The following MACROD2 variants were observed in gnomAD, a reference collection of about 807,000 sequenced individuals.
The protein encoded by MACROD2 is ADP-ribose glycohydrolase MACROD2.
MACROD2 carries 36 observed loss-of-function variants against 70.4 expected under a neutral mutation model. The ratio of observed to expected loss-of-function variants is 0.51; its 90% CI spans 0.39 to 0.68. The LOEUF (loss-of-function observed/expected upper bound fraction) is 0.68, where lower values mean the gene tolerates loss of function less well. MACROD2 is among the 30% of genes least tolerant of loss of function. The pLI, the probability that MACROD2 is intolerant of heterozygous loss-of-function variation, is 0.00. For missense variants in MACROD2, 496 were observed against 538.4 expected (o/e 0.92, Z 0.78); for synonymous variants, 172 against 178.8 (o/e 0.96, Z 0.30).
chr20:14,521,085 G>A (rs1030160451), intron 4 of MACROD2, among the ~76,000 whole-genome samples: 2 of 152,178 alleles, frequency 1.3e-5, no homozygotes, highest in African/African-American at 4.8e-5. Flanking sequence ...TAATAAAAGT[G>A]CATTGGCTAC....
chr20:15,249,320 C>T (rs978415269), intron 6 of MACROD2, among the ~76,000 whole-genome samples: 4 of 152,202 alleles, frequency 2.6e-5, no homozygotes, highest in African/African-American at 7.2e-5. Flanking sequence ...TCTCTACTCT[C>T]TCCCAGCCAC....
intron 5 of MACROD2, among the ~76,000 whole-genome samples, chr20:15,121,323 C>G (rs1360935099): frequency 6.6e-6 from 1 of 151,874 alleles, no homozygotes; most frequent in Non-Finnish European, 1.5e-5. Flanking sequence ...ACCAGCCTGG[C>G]CAACACGGTG....
chr20:14,272,289 T>G (rs4302276), intron 3 of MACROD2, among the ~76,000 whole-genome samples: 97,185 of 151,954 alleles, frequency 0.64, 32,537 homozygotes, highest in Non-Finnish European at 0.75. Context: ...GACTAACAGC[T>G]GATCTCTCGG....
At chr20:14,157,965 A>G (rs1374465566) in intron 3 of MACROD2, among the ~76,000 whole-genome samples, 3 of 152,088 alleles carry the variant, frequency 2.0e-5, no homozygotes, top group African/African-American at 7.2e-5. Flanking sequence ...GGATCATATG[A>G]TGGTTCTATT....
At chr20:14,593,658 T>C (rs1284460827) in intron 4 of MACROD2, among the ~76,000 whole-genome samples, 1 of 152,218 alleles carries the variant, frequency 6.6e-6, no homozygotes, top group Non-Finnish European at 1.5e-5. Context: ...TTATGCATTA[T>C]TAAAAAGATA....
intron 8 of MACROD2, among the ~76,000 whole-genome samples, chr20:15,746,396 T>C (rs974367598): frequency 6.6e-6 from 1 of 151,936 alleles, no homozygotes; most frequent in Non-Finnish European, 1.5e-5. Context: ...TAAGTTTTTC[T>C]GTACATTATT....
At chr20:15,314,385 G>A (rs2077786690) in intron 6 of MACROD2, among the ~76,000 whole-genome samples, 1 of 152,174 alleles carries the variant, frequency 6.6e-6, no homozygotes, top group Non-Finnish European at 1.5e-5. Context: ...AAGGTCAGCA[G>A]TTTGAGATCA....
chr20:15,242,662 A>G (rs761070557), intron 6 of MACROD2, among the ~76,000 whole-genome samples: 43 of 152,292 alleles, frequency 2.8e-4, no homozygotes, highest in Non-Finnish European at 5.6e-4. Flanking sequence ...TATTTAGTTC[A>G]TATTTGTGGT....
chr20:15,874,550 A>G (rs1456932992), intron 9 of MACROD2, among the ~76,000 whole-genome samples: 1 of 152,010 alleles, frequency 6.6e-6, no homozygotes, highest in Non-Finnish European at 1.5e-5. Context: ...AAGCGTTCCT[A>G]TTTCTCCACA....
At chr20:14,399,810 G>A (rs1450339351) in intron 3 of MACROD2, among the ~76,000 whole-genome samples, 4 of 151,990 alleles carry the variant, frequency 2.6e-5, no homozygotes, top group Admixed American at 6.6e-5. Flanking sequence ...TTCTGTTGTT[G>A]TGTTTTCAAG....
At chr20:14,278,615 A>G (rs1427039743) in intron 3 of MACROD2, among the ~76,000 whole-genome samples, 3 of 152,208 alleles carry the variant, frequency 2.0e-5, no homozygotes, top group Admixed American at 2.0e-4. Context: ...ATATGTTTGC[A>G]TAATATAAAT....
At chr20:15,475,021 A>AAT (rs1555825986) in intron 7 of MACROD2, among the ~76,000 whole-genome samples, 16 of 152,034 alleles carry the variant, frequency 1.1e-4, no homozygotes, top group African/African-American at 3.4e-4. Flanking sequence ...TCAGAAAAAA[A>AAT]AAATAAATAA....
rs148330369 is a variant in MACROD2 at position 14,694,971 on chromosome 20, C to T, written c.418+10012C>T. On this transcript the variant is annotated intron_variant, in intron 5 of 17. Transcript: ENST00000684519. ...ATGGCCTGGACCTAATGACTCCCTTCTAGCAAACGGAGTATGTCAGAATAA... is the reference window on the plus strand; with the variant it reads ...ATGGCCTGGACCTAATGACTCCCTTTTAGCAAACGGAGTATGTCAGAATAA... Among the ~76,000 whole-genome samples, 1,360 of 152,266 alleles carry T rather than the reference C, an allele frequency of 8.9e-3. 8 individuals carry two copies. The highest frequency in any genetic ancestry group is 0.014 in the Middle Eastern group (4 of 292).
In MACROD2 at chr20:15,932,998, G is replaced by A. The variant is rs1435965693; in HGVS notation, c.776-278G>A. ...TTTCTATTATATTTTGGGAAATGCC[G>A]AGCAAGGAGAGACTTGTTACCGGGA... On this transcript the variant is annotated intron_variant, in intron 10 of 17. Coordinates refer to ENST00000684519, the MANE Select transcript of MACROD2 (RefSeq NM_001351661.2). Among the ~76,000 whole-genome samples the A allele has an allele frequency of 1.5e-4, 23 of 152,166 alleles. 1 individual carries two copies. Among genetic ancestry groups the A allele is most frequent in the African/African-American group, 7.2e-5 (3 of 41,464 alleles).
Position 16,049,932 on chromosome 20 carries a change from A to T in MACROD2, c.*56A>T. The T allele has an allele frequency of 1.7e-6, 1 of 587,732 alleles. No individual in the cohort carries two copies. The highest frequency in any genetic ancestry group is 2.5e-5 in the Admixed American group (1 of 40,218). The allele number at this position is 587,732 out of a possible 1,614,324, so 36.4% of individuals were successfully genotyped here. On this transcript the variant is annotated 3_prime_UTR_variant, in exon 18 of 18. Transcript: ENST00000684519. ...CTCTGGGGGAGCTCGGGAAGATAGC[A>T]GCACACGCTGTGGAGGAGGGTGGGG...
At chr20:14,376,754 T>A (rs1194773334) in intron 3 of MACROD2, among the ~76,000 whole-genome samples, 1 of 7,524 alleles carries the variant, frequency 1.3e-4, no homozygotes, top group Non-Finnish European at 2.8e-4. Context: ...TGTCTCAAAA[T>A]AATAATAATA....
chr20:16,004,787 C>T (rs1004517743), intron 15 of MACROD2, among the ~76,000 whole-genome samples: 5 of 152,228 alleles, frequency 3.3e-5, no homozygotes, highest in African/African-American at 9.6e-5. Context: ...CCCTTCTCTC[C>T]GTCTTGCAGT....
chr20:14,243,384 A>G (rs2081944715), intron 3 of MACROD2, among the ~76,000 whole-genome samples: 1 of 152,210 alleles, frequency 6.6e-6, no homozygotes, highest in African/African-American at 2.4e-5. Flanking sequence ...CAAGTTTACT[A>G]CAAAGACTCT....
intron 8 of MACROD2, among the ~76,000 whole-genome samples, chr20:15,539,912 C>T (rs570394292): frequency 2.0e-5 from 3 of 152,270 alleles, no homozygotes; most frequent in South Asian, 2.1e-4. Flanking sequence ...GGCGTGAACC[C>T]GGGAGGCGGA....
Sources: gnomAD v4.1 joint callset for allele counts (sites outside exome capture counted in the v4.1 genomes callset) on GRCh38, gnomAD v4.1.1 for gene constraint, MANE v1.5 for transcripts, NCBI Gene and HGNC (gene_info 2026-07-23, HGNC 2026-07-21) for gene names.